IMMT: variants seen among roughly 807,000 people sequenced by gnomAD.
IMMT encodes the protein inner membrane mitochondrial protein.
IMMT carries 40 observed loss-of-function variants against 92.7 expected under a neutral mutation model. The observed-to-expected ratio is 0.43, with a 90% CI of 0.34 to 0.56. IMMT has a LOEUF of 0.56. Among genes scored for constraint, IMMT ranks in the 20% least tolerant of loss-of-function variants. The pLI, the probability that IMMT is intolerant of heterozygous loss-of-function variation, is 0.03. For missense variants in IMMT, 831 were observed against 912.1 expected, an observed-to-expected ratio of 0.91 and a Z score of 1.14; for synonymous variants, 322 against 336.1, an observed-to-expected ratio of 0.96 and a Z score of 0.46.
intron 3 of IMMT, among the ~76,000 whole-genome samples, chr2:86,178,620 C>T (rs573515409): frequency 9.9e-5 from 15 of 151,590 alleles, no homozygotes; most frequent in Non-Finnish European, 1.5e-4. Flanking sequence ...AGCAAGACTC[C>T]GTCTTGGAAA....
At chr2:86,181,137 C>T (rs138339639) in intron 2 of IMMT, among the ~76,000 whole-genome samples, 162 bp downstream of exon 2, 5 of 152,266 alleles carry the variant, frequency 3.3e-5, no homozygotes, top group Admixed American at 6.5e-5. Flanking sequence ...TACCTACAAA[C>T]AATGCTCCAG....
chr2:86,149,842 T>G (rs1446279976), intron 12 of IMMT, among the ~76,000 whole-genome samples: 1 of 145,550 alleles, frequency 6.9e-6, no homozygotes, highest in African/African-American at 2.6e-5. Context: ...ATTGCACTAC[T>G]GCACTCTACC....
At chr2:86,157,892 C>T (rs529472762) in intron 10 of IMMT, among the ~76,000 whole-genome samples, 1 of 151,266 alleles carries the variant, frequency 6.6e-6, no homozygotes, top group Non-Finnish European at 1.5e-5. Flanking sequence ...GCAGGAGGAT[C>T]GCTTCAACCC....
chr2:86,149,492 G>A (rs375273804), intron 12 of IMMT, among the ~76,000 whole-genome samples: 27 of 152,108 alleles, frequency 1.8e-4, no homozygotes, highest in African/African-American at 4.3e-4. Context: ...ATTTGCCTGC[G>A]TAAATAGACA....
chr2:86,146,094 A>C lies in IMMT; in HGVS notation c.1637T>G (p.Leu546Arg). The C allele has an allele frequency of 6.3e-7, 1 of 1,596,008 alleles. No homozygotes were observed. The highest frequency in any genetic ancestry group is 1.1e-5 in the South Asian group (1 of 88,554). The change falls in exon 14 of 15, where the codon CTC becomes CGC. Residue 546 changes from leucine (L) to arginine (R), a missense_variant. Transcript: ENST00000410111. ...CTGAACAGCCTGTTCGATTCCTCTGAGTCTGGCATAGGCAGTATTTATATC... is the reference window on the plus strand; with the variant it reads ...CTGAACAGCCTGTTCGATTCCTCTGCGTCTGGCATAGGCAGTATTTATATC... ...TLDINTAYAR[L>R]RGIEQAVQSH...
At chr2:86,167,827 G>GTT (rs374407410) in intron 6 of IMMT, among the ~76,000 whole-genome samples, 1 of 143,946 alleles carries the variant, frequency 6.9e-6, no homozygotes, top group African/African-American at 2.5e-5. Flanking sequence ...AATAAAAAGT[G>GTT]TTTTTTTTTT....
Position 86,182,481 on chromosome 2 carries a change from C to CA in IMMT, c.46-1110dup, listed in dbSNP as rs1184096842. On this transcript the variant is annotated intron_variant, in intron 1 of 14. Transcript: ENST00000410111. ...TAATGCAGTCATACATTTTGAAAAA[C>CA]AAAAAAACAAATCAGATGTTTTAAA... Among the ~76,000 whole-genome samples the CA allele has an allele frequency of 2.0e-5, 3 of 152,104 alleles. No individual in the cohort carries two copies. The East Asian group carries it at 5.8e-4, about 29-fold the overall frequency.
chr2:86,171,133 A>G (rs1677054443), intron 5 of IMMT, 75 bp downstream of exon 5: 2 of 1,271,042 alleles, frequency 1.6e-6, no homozygotes, highest in Admixed American at 4.6e-5. Context: ...CTTAGTGTCT[A>G]CGTGTTGCCT....
At chr2:86,146,033 A>C in intron 14 of IMMT, 35 bp downstream of exon 14, 2 of 1,454,844 alleles carry the variant, frequency 1.4e-6, no homozygotes, top group Non-Finnish European at 1.8e-6. Flanking sequence ...ATGCTGAGGA[A>C]AATTATCTGT....
chr2:86,189,226 T>C (rs550858626), intron 1 of IMMT, among the ~76,000 whole-genome samples: 15 of 152,202 alleles, frequency 9.9e-5, no homozygotes, highest in Middle Eastern at 3.4e-3. Context: ...AAACATATAA[T>C]TCCCATGTAA....
In IMMT at chr2:86,171,460, A is replaced by G. The variant is rs1362669995; in HGVS notation, c.422-115T>C. 6 of 892,658 alleles carry G rather than the reference A, an allele frequency of 6.7e-6. No individual in the cohort carries two copies. The African/African-American group carries it at 8.3e-5, about 12-fold the overall frequency. 55.3% of individuals were successfully genotyped at this position (892,658 alleles called of 1,614,324 possible). A position where few individuals can be genotyped will look rare whatever the true frequency, so the allele number is the denominator to read the frequency against. On this transcript the variant is annotated intron_variant, in intron 4 of 14. Coordinates refer to ENST00000410111, the MANE Select transcript of IMMT (RefSeq NM_006839.3). ...CACATCTGACTCCTTAGAGACACAA[A>G]TATTTGTACTGCCACATGTTTGAAT...
intron 7 of IMMT, among the ~76,000 whole-genome samples, chr2:86,162,484 A>G (rs1055015848): frequency 2.6e-5 from 4 of 152,080 alleles, no homozygotes; most frequent in African/African-American, 4.8e-5. Flanking sequence ...TTTGTTACAT[A>G]TAAGTCAACT....
chr2:86,190,760 C>T (rs1276633324), intron 1 of IMMT, among the ~76,000 whole-genome samples: 3 of 152,208 alleles, frequency 2.0e-5, no homozygotes, highest in East Asian at 1.9e-4. Context: ...GAGCCCAAGG[C>T]GGGCAGATCA....
At chr2:86,193,532 T>A (rs1303292359) in intron 1 of IMMT, among the ~76,000 whole-genome samples, 1 of 152,072 alleles carries the variant, frequency 6.6e-6, no homozygotes, top group East Asian at 1.9e-4. Flanking sequence ...GGGATTAAAG[T>A]TCTGAGAGTT....
At chr2:86,148,765 T>TA (rs776221347) in intron 12 of IMMT, among the ~76,000 whole-genome samples, 7 of 152,190 alleles carry the variant, frequency 4.6e-5, no homozygotes, top group African/African-American at 1.7e-4. Context: ...GCCTAACAAA[T>TA]AGCCATAGGT....
chr2:86,173,021 T>C lies in IMMT; in HGVS notation c.421+629A>G, dbSNP rs548426881. ...AAAATTTTTTAACTGTTTTTGTTCATGGCTGTTTCCCCAGTACTTACAAGA... is the reference window on the plus strand; with the variant it reads ...AAAATTTTTTAACTGTTTTTGTTCACGGCTGTTTCCCCAGTACTTACAAGA... On this transcript the variant is annotated intron_variant, in intron 4 of 14. Transcript: ENST00000410111. Among the ~76,000 whole-genome samples, 16 of 152,326 alleles carry C rather than the reference T, an allele frequency of 1.1e-4. No homozygotes were observed. The East Asian group carries it at 2.9e-3, about 28-fold the overall frequency.
At chr2:86,150,980 G>A (rs906929182) in intron 12 of IMMT, among the ~76,000 whole-genome samples, 1 of 150,820 alleles carries the variant, frequency 6.6e-6, no homozygotes, top group African/African-American at 2.4e-5. Context: ...GCAGTGGCAC[G>A]ATCTTAGCTC....
chr2:86,172,337 T>C (rs1677153454), intron 4 of IMMT, among the ~76,000 whole-genome samples: 1 of 151,528 alleles, frequency 6.6e-6, no homozygotes, highest in Non-Finnish European at 1.5e-5. Context: ...CCACCCAGCA[T>C]ATGAAACAAT....
chr2:86,163,332 T>C (rs1167636979), intron 7 of IMMT, among the ~76,000 whole-genome samples: 1 of 152,044 alleles, frequency 6.6e-6, no homozygotes, highest in Non-Finnish European at 1.5e-5. Context: ...CAAAAAATTA[T>C]GTGAAATAAT....
Sources: gnomAD v4.1 joint callset for allele counts (sites outside exome capture counted in the v4.1 genomes callset) on GRCh38, gnomAD v4.1.1 for gene constraint, MANE v1.5 for transcripts, NCBI Gene and HGNC (gene_info 2026-07-23, HGNC 2026-07-21) for gene names.